Variants in OPCML observed in about 807,000 individuals in gnomAD.
OPCML encodes the protein opioid-binding protein/cell adhesion molecule.
In OPCML, 13 loss-of-function variants were observed where a neutral mutation model predicts 37.8. The ratio of observed to expected loss-of-function variants is 0.34; its 90% CI spans 0.22 to 0.55. The LOEUF is 0.55. OPCML is among the 20% of genes least tolerant of loss of function. The probability of loss-of-function intolerance (pLI) is 0.91; values close to 1 mark genes in which losing one functional copy is unlikely to be tolerated. For missense variants in OPCML, 341 were observed against 435.6 expected, an observed-to-expected ratio of 0.78 and a Z score of 1.93; for synonymous variants, 176 against 168.8, an observed-to-expected ratio of 1.04 and a Z score of -0.33.
intron 3 of OPCML, among the ~76,000 whole-genome samples, chr11:132,542,677 G>A (rs753490478): frequency 2.1e-4 from 32 of 152,298 alleles, no homozygotes; most frequent in Non-Finnish European, 3.4e-4. Flanking sequence ...ATGGGCTGCA[G>A]GTCTCTGTTG....
At chr11:133,157,337 T>G (rs990771442) in intron 1 of OPCML, among the ~76,000 whole-genome samples, 1 of 152,208 alleles carries the variant, frequency 6.6e-6, no homozygotes, top group African/African-American at 2.4e-5. Flanking sequence ...TCCAGGCAGC[T>G]GCAGTCGGAG....
intron 1 of OPCML, among the ~76,000 whole-genome samples, chr11:133,085,813 G>T (rs1047713488): frequency 6.6e-6 from 1 of 152,230 alleles, no homozygotes; most frequent in Non-Finnish European, 1.5e-5. Flanking sequence ...TTGGGTTCTA[G>T]TGTATATCTG....
rs540629654 is a variant in OPCML, at chr11:133,382,449, G to C, written c.61+149815C>G. ...CATCTTCCTCTCGTTCCCCATCCCTGAGTCCCCACCCTACCCCAGATGGCC... is the reference window on the plus strand; with the variant it reads ...CATCTTCCTCTCGTTCCCCATCCCTCAGTCCCCACCCTACCCCAGATGGCC... On this transcript the variant is annotated intron_variant, in intron 1 of 7. Transcript: ENST00000524381. Among the ~76,000 whole-genome samples the C allele has an allele frequency of 5.5e-4, 83 of 152,256 alleles. 1 individual carries two copies. The South Asian group carries it at 0.017, about 31-fold the overall frequency.
chr11:133,188,793 T>C (rs563562372), intron 1 of OPCML, among the ~76,000 whole-genome samples: 1 of 152,288 alleles, frequency 6.6e-6, no homozygotes, highest in South Asian at 2.1e-4. Flanking sequence ...TGAGGTTCTG[T>C]CGCATGTAGA....
intron 2 of OPCML, among the ~76,000 whole-genome samples, chr11:132,754,980 G>A (rs1438810493): frequency 2.0e-5 from 3 of 152,160 alleles, no homozygotes; most frequent in Non-Finnish European, 4.4e-5. Flanking sequence ...GACAAGCTTT[G>A]TACCACACTA....
intron 4 of OPCML, among the ~76,000 whole-genome samples, chr11:132,494,193 A>G (rs929474187): frequency 6.6e-6 from 1 of 152,210 alleles, no homozygotes; most frequent in African/African-American, 2.4e-5. Flanking sequence ...TAAATGCAAG[A>G]AGGACAATGT....
intron 1 of OPCML, among the ~76,000 whole-genome samples, chr11:133,471,850 T>C (rs369470261): frequency 7.9e-5 from 12 of 152,218 alleles, no homozygotes; most frequent in African/African-American, 2.6e-4. Flanking sequence ...GAAAAGACAC[T>C]TGTAGTTTAA....
At chr11:133,375,923 C>T (rs987436978) in intron 1 of OPCML, among the ~76,000 whole-genome samples, 1 of 152,094 alleles carries the variant, frequency 6.6e-6, no homozygotes, top group African/African-American at 2.4e-5. Flanking sequence ...GTCAGCTCCT[C>T]ATTGTATCTT....
chr11:132,761,194 T>G (rs1447900584), intron 2 of OPCML, among the ~76,000 whole-genome samples: 1 of 151,976 alleles, frequency 6.6e-6, no homozygotes, highest in Admixed American at 6.6e-5. Context: ...CTTCCCTTTG[T>G]GAGTAACCTG....
chr11:132,730,793 CAAG>C (rs1258373743), intron 2 of OPCML, among the ~76,000 whole-genome samples: 3 of 151,548 alleles, frequency 2.0e-5, no homozygotes, highest in Non-Finnish European at 2.9e-5. Flanking sequence ...AGTTGGCCAC[CAAG>C]AAGATTAAAT....
chr11:133,246,288 A>T (rs1940923433), intron 1 of OPCML, among the ~76,000 whole-genome samples: 1 of 152,228 alleles, frequency 6.6e-6, no homozygotes, highest in Admixed American at 6.5e-5. Flanking sequence ...TGTACCCTTT[A>T]AACTGTTCAC....
At chr11:132,763,675 C>T (rs114998657) in intron 2 of OPCML, among the ~76,000 whole-genome samples, 2,320 of 152,240 alleles carry the variant, frequency 0.015, 58 homozygotes, top group African/African-American at 0.052. Flanking sequence ...AGAAAAAGAA[C>T]GCAGACAGAC....
At chr11:132,698,274 G>T (rs540780198) in intron 2 of OPCML, among the ~76,000 whole-genome samples, 29 of 152,162 alleles carry the variant, frequency 1.9e-4, no homozygotes, top group Non-Finnish European at 3.4e-4. Context: ...GTGTACCAGG[G>T]TTCCCTTTTC....
chr11:133,396,858 C>G (rs1282409965), intron 1 of OPCML, among the ~76,000 whole-genome samples: 1 of 152,152 alleles, frequency 6.6e-6, no homozygotes, highest in Non-Finnish European at 1.5e-5. Flanking sequence ...AAAGTGATCC[C>G]TTACCCTTCT....
intron 7 of OPCML, among the ~76,000 whole-genome samples, chr11:132,433,761 C>T (rs753828101): frequency 9.2e-5 from 14 of 152,166 alleles, no homozygotes; most frequent in Non-Finnish European, 1.8e-4. Context: ...CCCTCTCTCT[C>T]TTTTTCTATG....
At chr11:132,671,970 A>G (rs1942495467) in intron 2 of OPCML, among the ~76,000 whole-genome samples, 1 of 152,212 alleles carries the variant, frequency 6.6e-6, no homozygotes, top group African/African-American at 2.4e-5. Context: ...TATTGAAATT[A>G]TTATGCACTT....
At chr11:132,532,082 C>T (rs1357063208) in intron 3 of OPCML, among the ~76,000 whole-genome samples, 1 of 152,078 alleles carries the variant, frequency 6.6e-6, no homozygotes, top group Admixed American at 6.6e-5. Context: ...GTATCTCATG[C>T]GATAGTGTGA....
chr11:133,407,306 A>G (rs1316436784), intron 1 of OPCML, among the ~76,000 whole-genome samples: 1 of 152,222 alleles, frequency 6.6e-6, no homozygotes, highest in Non-Finnish European at 1.5e-5. Flanking sequence ...AGGGTTAACT[A>G]GAGTCTTCAA....
intron 1 of OPCML, among the ~76,000 whole-genome samples, chr11:133,326,193 G>A (rs1415919926): frequency 6.6e-6 from 1 of 151,662 alleles, no homozygotes; most frequent in African/African-American, 2.4e-5. Context: ...TATTCCACCC[G>A]ATTTTGCCTC....
Sources: gnomAD v4.1 joint callset for allele counts (sites outside exome capture counted in the v4.1 genomes callset) on GRCh38, gnomAD v4.1.1 for gene constraint, MANE v1.5 for transcripts, NCBI Gene and HGNC (gene_info 2026-07-23, HGNC 2026-07-21) for gene names.